Variants in UGT1A5 observed in about 807,000 individuals in gnomAD.
UGT1A5 encodes UDP glucuronosyltransferase family 1 member A5, also known as UDP-glucuronosyltransferase 1A5.
UGT1A5 carries 29 observed loss-of-function variants against 40.3 expected under a neutral mutation model. That is an observed-to-expected ratio of 0.72 (90% CI 0.54 to 0.98). The LOEUF (loss-of-function observed/expected upper bound fraction) is 0.98, where lower values mean the gene tolerates loss of function less well. UGT1A5 is among the 50% of genes least tolerant of loss of function. The probability of loss-of-function intolerance (pLI) is 0.00; values close to 1 mark genes in which losing one functional copy is unlikely to be tolerated. For missense variants in UGT1A5, 678 were observed against 677.9 expected (o/e 1.00, Z 0.00); for synonymous variants, 257 against 262.5 (o/e 0.98, Z 0.20).
chr2:233,719,883 T>C (rs871514), intron 1 of UGT1A5, among the ~76,000 whole-genome samples: 81,602 of 151,974 alleles, frequency 0.54, 23,564 homozygotes, highest in African/African-American at 0.76. Context: ...GAGGCACGGA[T>C]GAGGGTCTGT....
At chr2:233,741,320 T>C (rs968198595) in intron 1 of UGT1A5, among the ~76,000 whole-genome samples, 12 of 151,906 alleles carry the variant, frequency 7.9e-5, no homozygotes, top group African/African-American at 2.9e-4. Flanking sequence ...CAACTCATTC[T>C]ACTCTACCCA....
At chr2:233,731,619 C>A (rs527896427) in intron 1 of UGT1A5, among the ~76,000 whole-genome samples, 1 of 152,252 alleles carries the variant, frequency 6.6e-6, no homozygotes, top group South Asian at 2.1e-4. Context: ...TGAACTCATC[C>A]TTTTTTATGG....
chr2:233,756,002 A>C (rs541180678), intron 1 of UGT1A5: 11 of 152,292 alleles, frequency 7.2e-5, no homozygotes, highest in South Asian at 6.2e-4. Context: ...TCTGCATTCT[A>C]TCTATTGTGA....
intron 1 of UGT1A5, among the ~76,000 whole-genome samples, chr2:233,763,740 G>A (rs752841443): frequency 3.7e-4 from 57 of 152,188 alleles, no homozygotes; most frequent in Non-Finnish European, 5.6e-4. Flanking sequence ...GCATTGGCGT[G>A]TCTTTGGTGT....
intron 1 of UGT1A5, among the ~76,000 whole-genome samples, chr2:233,731,505 G>T (rs1188245872): frequency 2.6e-5 from 4 of 152,064 alleles, no homozygotes; most frequent in African/African-American, 7.2e-5. Context: ...TTGCTGTTCA[G>T]TTCCCACCTA....
At chr2:233,754,596 T>C (rs1463963826) in intron 1 of UGT1A5, 2 of 431,834 alleles carry the variant, frequency 4.6e-6, no homozygotes, top group Non-Finnish European at 9.3e-6. Context: ...TGAAGGACTT[T>C]AACTCAACTC....
chr2:233,714,067 G>A (rs973279509), intron 1 of UGT1A5, among the ~76,000 whole-genome samples: 1 of 152,094 alleles, frequency 6.6e-6, no homozygotes, highest in African/African-American at 2.4e-5. Context: ...AGGAAGGAGA[G>A]GCAGGGACGA....
chr2:233,769,698 G>T lies in UGT1A5; in HGVS notation c.1307+1259G>T. 1.3e-6 allele frequency: 2 copies of T among 1,529,982 alleles called. No individual in the cohort carries two copies. Among genetic ancestry groups the T allele is most frequent in the Non-Finnish European group, 1.8e-6 (2 of 1,137,522 alleles). The allele number at this position is 1,529,982 out of a possible 1,614,324, so 94.8% of individuals were successfully genotyped here. A position where few individuals can be genotyped will look rare whatever the true frequency, so the allele number is the denominator to read the frequency against. On this transcript the variant is annotated intron_variant, in intron 4 of 4. Coordinates refer to ENST00000373414, the MANE Select transcript of UGT1A5 (RefSeq NM_019078.2). The surrounding 1 kb of genome is among the most constrained non-coding windows in gnomAD (Gnocchi z 4.4). ...GTGTGTGTGGTGGCACTGGATAAAA[G>T]ATCAATGTTGGCTAGGCACCATGGC...
At chr2:233,739,447 A>G (rs1387114794) in intron 1 of UGT1A5, among the ~76,000 whole-genome samples, 2 of 152,208 alleles carry the variant, frequency 1.3e-5, no homozygotes, top group East Asian at 3.8e-4. Flanking sequence ...CTGCAAAGCC[A>G]CAGGGTTGGA....
At chr2:233,749,911 T>C (rs1694301835) in intron 1 of UGT1A5, among the ~76,000 whole-genome samples, 2 of 151,950 alleles carry the variant, frequency 1.3e-5, no homozygotes, top group Non-Finnish European at 2.9e-5. Flanking sequence ...CACCTGGAAC[T>C]GTGAGTCAAT....
intron 1 of UGT1A5, among the ~76,000 whole-genome samples, chr2:233,741,240 A>G (rs530886202): frequency 6.6e-6 from 1 of 152,014 alleles, no homozygotes; most frequent in East Asian, 1.9e-4. Flanking sequence ...CCTCTGAGTG[A>G]CACTGGTATG....
At chr2:233,747,229 C>A in intron 1 of UGT1A5, 1 of 1,605,300 alleles carries the variant, frequency 6.2e-7, no homozygotes, top group Non-Finnish European at 8.5e-7. Flanking sequence ...CACAGGACCC[C>A]AGGTTCCCCT....
chr2:233,739,714 GGACTT>G (rs1004679723), intron 1 of UGT1A5, among the ~76,000 whole-genome samples: 28 of 152,292 alleles, frequency 1.8e-4, no homozygotes, highest in African/African-American at 6.3e-4. Context: ...ATGGGGGAAG[GGACTT>G]GACTTGTCTC....
At position 233,754,981 on chromosome 2, in the gene UGT1A5, C is replaced by T. The variant is rs561889596; in HGVS notation, c.868-12053C>T. On this transcript the variant is annotated intron_variant, in intron 1 of 4. Transcript: ENST00000373414. The stretch of plus-strand genomic sequence containing the variant: ...CCAAAGAACTCCCTGAAGACCTCGG[C>T]GGGGTCACGGAAGCTGAAGACCTAC... 29 of 1,295,892 alleles carry T rather than the reference C, an allele frequency of 2.2e-5. No homozygotes were observed. In the African/African-American group the frequency reaches 3.3e-4, roughly 15 times the overall value. The allele number at this position is 1,295,892 out of a possible 1,614,324, so 80.3% of individuals were successfully genotyped here.
chr2:233,755,411 C>T (rs1182147250), intron 1 of UGT1A5: 6 of 330,824 alleles, frequency 1.8e-5, no homozygotes, highest in African/African-American at 1.1e-4. Flanking sequence ...TTGGCCGAGG[C>T]CTGTGAGCGC....
chr2:233,730,127 C>G (rs2077990319), intron 1 of UGT1A5: 1 of 1,540,256 alleles, frequency 6.5e-7, no homozygotes, highest in East Asian at 2.4e-5. Context: ...GTCATAATAG[C>G]CTTCAGTGAG....
chr2:233,746,319 G>C (rs1444609554), intron 1 of UGT1A5, among the ~76,000 whole-genome samples: 1 of 151,794 alleles, frequency 6.6e-6, no homozygotes, highest in Admixed American at 6.5e-5. Flanking sequence ...CCCTGTAGAT[G>C]ATCTACAGGG....
chr2:233,721,292 C>T (rs1038685514), intron 1 of UGT1A5, among the ~76,000 whole-genome samples: 4 of 152,066 alleles, frequency 2.6e-5, no homozygotes, highest in African/African-American at 9.7e-5. Context: ...ATTAGGAAGG[C>T]ATTTGAATAG....
chr2:233,747,399 C>G, intron 1 of UGT1A5: 4 of 1,606,666 alleles, frequency 2.5e-6, no homozygotes, highest in Non-Finnish European at 3.4e-6. Context: ...GGTCCTCACC[C>G]CAGAGGTGAA....
Sources: gnomAD v4.1 joint callset for allele counts (sites outside exome capture counted in the v4.1 genomes callset) on GRCh38, gnomAD v4.1.1 for gene constraint, Gnocchi (gnomAD v3.1) non-coding constraint, MANE v1.5 for transcripts, NCBI Gene and HGNC (gene_info 2026-07-23, HGNC 2026-07-21) for gene names.